RALGAPA1: variants seen among roughly 807,000 people sequenced by gnomAD.
RALGAPA1 encodes ral GTPase-activating protein subunit alpha-1.
Under a neutral mutation model 269.6 loss-of-function variants are expected in RALGAPA1, and 52 were observed. The ratio of observed to expected loss-of-function variants is 0.19; its 90% confidence interval spans 0.15 to 0.24. RALGAPA1 has a LOEUF of 0.24. Among genes scored for constraint, RALGAPA1 ranks in the 10% least tolerant of loss-of-function variants. The probability of loss-of-function intolerance (pLI) is 1.00; values close to 1 mark genes in which losing one functional copy is unlikely to be tolerated. For synonymous variants in RALGAPA1, 817 were observed against 1,008.3 expected, an observed-to-expected ratio of 0.81 and a Z score of 3.60; for missense variants, 1,917 against 3,013.9, an observed-to-expected ratio of 0.64 and a Z score of 8.52.
At chr14:35,651,347 C>G (rs900761622) in intron 31 of RALGAPA1, among the ~76,000 whole-genome samples, 8 of 152,150 alleles carry the variant, frequency 5.3e-5, no homozygotes, top group Non-Finnish European at 7.4e-5. Flanking sequence ...AAAGAACCCT[C>G]ATAATGAATT....
At chr14:35,759,054 C>T (rs1271783781) in intron 6 of RALGAPA1, among the ~76,000 whole-genome samples, 1 of 152,168 alleles carries the variant, frequency 6.6e-6, no homozygotes, top group Non-Finnish European at 1.5e-5. Context: ...GATCATGGGA[C>T]TGCGCTACAG....
chr14:35,762,128 T>C (rs915651291), intron 5 of RALGAPA1, among the ~76,000 whole-genome samples: 1 of 152,194 alleles, frequency 6.6e-6, no homozygotes, highest in African/African-American at 2.4e-5. Flanking sequence ...GTTTTCCTTC[T>C]GGGGACCATA....
intron 16 of RALGAPA1, among the ~76,000 whole-genome samples, chr14:35,718,372 G>A (rs1595299004): frequency 6.6e-6 from 1 of 152,074 alleles, no homozygotes; most frequent in Non-Finnish European, 1.5e-5. Flanking sequence ...AGCCTGTATC[G>A]ACATAAAGTA....
At chr14:35,671,157 C>A (rs554473572) in intron 26 of RALGAPA1, among the ~76,000 whole-genome samples, 1 of 152,040 alleles carries the variant, frequency 6.6e-6, no homozygotes, top group Non-Finnish European at 1.5e-5. Context: ...TTCTTCCCTC[C>A]GTTTCTTTAG....
intron 12 of RALGAPA1, among the ~76,000 whole-genome samples, chr14:35,732,815 T>C (rs1412111106): frequency 6.6e-6 from 1 of 152,132 alleles, no homozygotes; most frequent in African/African-American, 2.4e-5. Flanking sequence ...GGGACTTCAA[T>C]TCTCCACTGA....
At chr14:35,668,328 C>CA (rs1269202770) in intron 26 of RALGAPA1, among the ~76,000 whole-genome samples, 1 of 151,680 alleles carries the variant, frequency 6.6e-6, no homozygotes, top group African/African-American at 2.4e-5. Context: ...GCCAAAAATA[C>CA]AAAAATTAGC....
intron 10 of RALGAPA1, among the ~76,000 whole-genome samples, chr14:35,744,093 C>T (rs575510124): frequency 1.1e-4 from 17 of 152,160 alleles, no homozygotes; most frequent in Admixed American, 3.3e-4. Flanking sequence ...AAATTGCTGC[C>T]GGGCGCGGTG....
intron 17 of RALGAPA1, among the ~76,000 whole-genome samples, chr14:35,690,249 A>ATTT (rs1374474341): frequency 5.9e-5 from 9 of 152,222 alleles, no homozygotes; most frequent in Non-Finnish European, 1.2e-4. Context: ...ATGCATAGAA[A>ATTT]CAGACAGTGA....
intron 22 of RALGAPA1, among the ~76,000 whole-genome samples, chr14:35,675,928 GTTAAC>G (rs2064895704): frequency 6.6e-6 from 1 of 151,586 alleles, no homozygotes; most frequent in Non-Finnish European, 1.5e-5. Context: ...ACTCCTAATG[GTTAAC>G]TTTTTTCTCT....
At chr14:35,798,776 G>A (rs548099844) in intron 1 of RALGAPA1, among the ~76,000 whole-genome samples, 3 of 151,950 alleles carry the variant, frequency 2.0e-5, no homozygotes, top group African/African-American at 7.2e-5. Context: ...GATCACTTGG[G>A]GCCAGGAGTT....
intron 39 of RALGAPA1, among the ~76,000 whole-genome samples, chr14:35,552,420 A>G (rs1411308958): frequency 6.6e-6 from 1 of 152,170 alleles, no homozygotes; most frequent in East Asian, 1.9e-4. Flanking sequence ...TAGTACATAT[A>G]CATTGAGTGG....
At chr14:35,583,769 T>C (rs191455434) in intron 37 of RALGAPA1, among the ~76,000 whole-genome samples, 1 of 152,178 alleles carries the variant, frequency 6.6e-6, no homozygotes, top group African/African-American at 2.4e-5. Context: ...GTCTCAGAAA[T>C]TACATAAGCA....
intron 34 of RALGAPA1, 91 bp from the exon 35 acceptor site, chr14:35,625,523 T>C: frequency 1.1e-6 from 1 of 873,538 alleles, no homozygotes; most frequent in South Asian, 1.9e-5. Context: ...TCATGCAACT[T>C]TTCTACTTTT....
intron 41 of RALGAPA1, chr14:35,542,038 A>G: frequency 8.0e-7 from 1 of 1,245,718 alleles, no homozygotes; most frequent in South Asian, 1.3e-5. Context: ...AACTAACAAA[A>G]CAAGTTCAAA....
intron 39 of RALGAPA1, among the ~76,000 whole-genome samples, chr14:35,557,954 A>G (rs1174664133): frequency 6.6e-6 from 1 of 152,184 alleles, no homozygotes; most frequent in African/African-American, 2.4e-5. Context: ...GAATCCCTGG[A>G]GTCTGAAAAT....
chr14:35,743,026 G>T (rs2071713205), intron 10 of RALGAPA1, among the ~76,000 whole-genome samples: 1 of 152,060 alleles, frequency 6.6e-6, no homozygotes, highest in African/African-American at 2.4e-5. Context: ...CACTCACCCG[G>T]ACTGAGACCA....
At chr14:35,660,038 G>A (rs1269237107) in intron 27 of RALGAPA1, among the ~76,000 whole-genome samples, 2 of 151,828 alleles carry the variant, frequency 1.3e-5, no homozygotes, top group African/African-American at 2.4e-5. Flanking sequence ...AAGTTGTATC[G>A]AAACATAACA....
At chr14:35,789,346 C>A (rs1269865857) in intron 1 of RALGAPA1, among the ~76,000 whole-genome samples, 1 of 151,976 alleles carries the variant, frequency 6.6e-6, no homozygotes, top group African/African-American at 2.4e-5. Flanking sequence ...ATAATCCCAG[C>A]ACTTTGGGAG....
intron 21 of RALGAPA1, among the ~76,000 whole-genome samples, chr14:35,679,912 T>A (rs1424162248): frequency 6.6e-6 from 1 of 152,188 alleles, no homozygotes; most frequent in African/African-American, 2.4e-5. Flanking sequence ...TTATGTTACA[T>A]AGTAGGTGAA....
Sources: gnomAD v4.1 joint callset for allele counts (sites outside exome capture counted in the v4.1 genomes callset) on GRCh38, gnomAD v4.1.1 for gene constraint, MANE v1.5 for transcripts, NCBI Gene and HGNC (gene_info 2026-07-23, HGNC 2026-07-21) for gene names.